GALNS: variants seen among roughly 807,000 people sequenced by gnomAD.
The protein encoded by GALNS is galactosamine (N-acetyl)-6-sulfatase, also known as N-acetylgalactosamine-6-sulfatase.
GALNS carries 65 observed loss-of-function variants against 65.9 expected under a neutral mutation model. The observed-to-expected ratio is 0.99, with a 90% CI of 0.81 to 1.21. The LOEUF is 1.21. Ranked by LOEUF, GALNS falls within the 50% of genes most tolerant of loss-of-function variation. The pLI is 0.00. For synonymous variants in GALNS, 346 were observed against 288.9 expected (o/e 1.20, Z -2.00); for missense variants, 776 against 700.7 (o/e 1.11, Z -1.21).
intron 12 of GALNS, among the ~76,000 whole-genome samples, chr16:88,820,942 T>TG (rs1280938702): frequency 6.6e-6 from 1 of 152,042 alleles, no homozygotes; most frequent in Non-Finnish European, 1.5e-5. Context: ...CGCTTCCAGC[T>TG]GGGGGGGCTG....
chr16:88,829,093 G>A (rs961716438), intron 9 of GALNS, among the ~76,000 whole-genome samples: 1 of 142,448 alleles, frequency 7.0e-6, no homozygotes, highest in Non-Finnish European at 1.5e-5. Context: ...GTCTCCCAGA[G>A]CTACACAGTT....
At chr16:88,831,094 C>T (rs1290346893) in intron 9 of GALNS, among the ~76,000 whole-genome samples, 3 of 152,216 alleles carry the variant, frequency 2.0e-5, no homozygotes, top group Admixed American at 6.5e-5. Context: ...CCAGCACCCA[C>T]GTGACACACG....
At chr16:88,841,821 G>A (rs1966986099) in intron 3 of GALNS, 76 bp downstream of exon 3, 1 of 1,336,402 alleles carries the variant, frequency 7.5e-7, no homozygotes, top group Non-Finnish European at 1.1e-6. Flanking sequence ...GAGTCCCGGA[G>A]ACACGGGCAC....
At chr16:88,826,578 G>A (rs1386368641) in intron 10 of GALNS, 124 bp downstream of exon 10, 43 of 1,205,980 alleles carry the variant, frequency 3.6e-5, no homozygotes, top group Non-Finnish European at 4.7e-5. Context: ...CTCCTGCCCT[G>A]GGCACGAGCA....
At chr16:88,855,792 CCACTGGTCAG>C (rs1418074775) in intron 1 of GALNS, 1 of 527,620 alleles carries the variant, frequency 1.9e-6, no homozygotes, top group Non-Finnish European at 3.4e-6. Flanking sequence ...CCCGTGGCCC[CCACTGGTCAG>C]CACAGGTGGG....
chr16:88,846,047 A>G (rs1180419743), intron 1 of GALNS, among the ~76,000 whole-genome samples: 1 of 152,192 alleles, frequency 6.6e-6, no homozygotes. Flanking sequence ...AGTTTATCCT[A>G]AGAAAATAAT....
chr16:88,836,672 G>A (rs961359502), intron 5 of GALNS, among the ~76,000 whole-genome samples: 29 of 152,016 alleles, frequency 1.9e-4, no homozygotes, highest in African/African-American at 6.7e-4. Flanking sequence ...AAAAAAAAAG[G>A]AAGCCTGGAA....
intron 9 of GALNS, 119 bp from the exon 10 acceptor site, chr16:88,826,957 T>C: frequency 8.3e-7 from 1 of 1,199,302 alleles, no homozygotes; most frequent in Non-Finnish European, 1.2e-6. Context: ...TATGCATACA[T>C]GCTCACACGC....
intron 10 of GALNS, among the ~76,000 whole-genome samples, chr16:88,826,260 G>GTA: frequency 7.0e-6 from 1 of 142,828 alleles, no homozygotes; most frequent in African/African-American, 2.6e-5. Flanking sequence ...GGGGTGGCAT[G>GTA]TGCCCGGGCT....
At chr16:88,819,262 T>A (rs1422770152) in intron 12 of GALNS, among the ~76,000 whole-genome samples, 1 of 135,950 alleles carries the variant, frequency 7.4e-6, no homozygotes, top group Non-Finnish European at 1.6e-5. Context: ...AGGCCTGGGG[T>A]TGCATCAGAG....
chr16:88,850,349 C>T (rs1166904067), intron 1 of GALNS, among the ~76,000 whole-genome samples: 1 of 152,084 alleles, frequency 6.6e-6, no homozygotes, highest in Non-Finnish European at 1.5e-5. Context: ...CCCAGAAGGT[C>T]GGCAGTCAGC....
At chr16:88,855,314 C>T (rs1487686957) in intron 1 of GALNS, 1 of 699,972 alleles carries the variant, frequency 1.4e-6, no homozygotes, top group African/African-American at 1.8e-5. Context: ...CGAAGCTATG[C>T]TGGCCCAGAA....
chr16:88,837,171 C>T (rs934856907), intron 5 of GALNS, among the ~76,000 whole-genome samples: 3 of 152,208 alleles, frequency 2.0e-5, no homozygotes, highest in Non-Finnish European at 2.9e-5. Context: ...GCTGCCCCCA[C>T]GCCCGGGCAC....
chr16:88,814,451 G>C lies in GALNS; in HGVS notation c.1557C>G (p.Leu519=). ...GTCTGCGCAGGTGCTAGTGGGACCA[G>C]AGGCACTTCTTGGGAATGGATTCTG... The part of the protein sequence containing the change: ...TPPESIPKKC[L]WSH The change falls in exon 14 of 14, where the codon CTC becomes CTG. Residue 519 remains leucine (L), a synonymous_variant. Coordinates refer to ENST00000268695, the MANE Select transcript of GALNS (RefSeq NM_000512.5). 6.4e-7 allele frequency: 1 copy of C among 1,561,044 alleles called. No individual in the cohort carries two copies. The highest frequency in any genetic ancestry group is 8.7e-7 in the Non-Finnish European group (1 of 1,152,066).
At chr16:88,830,846 T>C (rs1447791280) in intron 9 of GALNS, among the ~76,000 whole-genome samples, 1 of 152,032 alleles carries the variant, frequency 6.6e-6, no homozygotes, top group Non-Finnish European at 1.5e-5. Context: ...TCTCTGAGTG[T>C]CCTTAGGACA....
intron 13 of GALNS, chr16:88,815,832 G>A (rs2142973719): frequency 2.0e-6 from 2 of 984,954 alleles, no homozygotes; most frequent in East Asian, 1.1e-4. Flanking sequence ...GGCAGCAGAG[G>A]CAGCCGCAGG....
At chr16:88,842,664 T>C (rs1424004232) in intron 2 of GALNS, 42 bp downstream of exon 2, 2 of 1,607,922 alleles carry the variant, frequency 1.2e-6, no homozygotes, top group Non-Finnish European at 1.7e-6. Context: ...CTCGGCCTGT[T>C]GGGCTCACCC....
rs1567516957 is a variant in GALNS, at chr16:88,822,577, G to GCAC, written c.1364+9_1364+11dup. ...ACTGCCTCAGCAGCCAGGAGGCCCTGCACCGACTCACCTGAGGGGGAACCT... is the reference window on the plus strand; with the variant it reads ...ACTGCCTCAGCAGCCAGGAGGCCCTGCACCACCGACTCACCTGAGGGGGAACCT... On this transcript the variant is annotated intron_variant, in intron 12 of 13. Transcript: ENST00000268695. 6.2e-7 allele frequency: 1 copy of GCAC among 1,612,280 alleles called. No homozygotes were observed. Among genetic ancestry groups the GCAC allele is most frequent in the South Asian group, 1.1e-5 (1 of 91,060 alleles).
chr16:88,815,262 A>G, intron 13 of GALNS: 1 of 985,460 alleles, frequency 1.0e-6, no homozygotes, highest in Non-Finnish European at 1.2e-6. Flanking sequence ...GCAGCTGCCA[A>G]GTGGCTGAGG....
Sources: gnomAD v4.1 joint callset for allele counts (sites outside exome capture counted in the v4.1 genomes callset) on GRCh38, gnomAD v4.1.1 for gene constraint, MANE v1.5 for transcripts, NCBI Gene and HGNC (gene_info 2026-07-23, HGNC 2026-07-21) for gene names.